The following RPRD2 variants were observed in gnomAD, a reference collection of about 807,000 sequenced individuals.
RPRD2 encodes the protein regulation of nuclear pre-mRNA domain containing 2.
RPRD2 carries 12 observed loss-of-function variants against 104.4 expected under a neutral mutation model. The ratio of observed to expected loss-of-function variants is 0.11; its 90% confidence interval spans 0.07 to 0.19. The LOEUF is 0.19. Ranked by LOEUF, RPRD2 falls within the 10% of genes least tolerant of loss-of-function variation. The probability of loss-of-function intolerance (pLI) is 1.00; values close to 1 mark genes in which losing one functional copy is unlikely to be tolerated. For missense variants in RPRD2, 1,543 were observed against 1,790.1 expected (o/e 0.86, Z 2.49); for synonymous variants, 714 against 684.9 (o/e 1.04, Z -0.66).
intron 1 of RPRD2, among the ~76,000 whole-genome samples, chr1:150,397,477 C>A (rs1401879357): frequency 6.6e-6 from 1 of 152,090 alleles, no homozygotes; most frequent in South Asian, 2.1e-4. Flanking sequence ...AAATTCTTCC[C>A]CATTTTTATT....
intron 1 of RPRD2, among the ~76,000 whole-genome samples, chr1:150,408,469 A>G (rs1553887044): frequency 2.6e-5 from 4 of 152,204 alleles, no homozygotes; most frequent in African/African-American, 7.2e-5. Flanking sequence ...ATACATTTAA[A>G]TAGTGTATTT....
At chr1:150,404,612 A>C (rs1336572112) in intron 1 of RPRD2, among the ~76,000 whole-genome samples, 1 of 151,874 alleles carries the variant, frequency 6.6e-6, no homozygotes, top group Non-Finnish European at 1.5e-5. Context: ...GATCTCATCC[A>C]AATAAAAAAA....
At chr1:150,446,446 T>G (rs1423276602) in intron 7 of RPRD2, 45 bp downstream of exon 7, 1 of 1,433,096 alleles carries the variant, frequency 7.0e-7, no homozygotes, top group Admixed American at 2.3e-5. Flanking sequence ...CTTGTTACTA[T>G]ATTTCAGAGA....
At chr1:150,393,608 A>G (rs1333248247) in intron 1 of RPRD2, among the ~76,000 whole-genome samples, 2 of 152,164 alleles carry the variant, frequency 1.3e-5, no homozygotes, top group East Asian at 1.9e-4. Context: ...TTGTAGAGGG[A>G]AAAACATGCA....
intron 2 of RPRD2, among the ~76,000 whole-genome samples, chr1:150,421,650 A>G (rs1464294197): frequency 1.3e-5 from 2 of 152,180 alleles, no homozygotes; most frequent in Non-Finnish European, 2.9e-5. Flanking sequence ...AATAAATTAT[A>G]AAGTATATGG....
intron 1 of RPRD2, among the ~76,000 whole-genome samples, chr1:150,380,342 CTG>C (rs1286963388): frequency 6.6e-6 from 1 of 152,100 alleles, no homozygotes; most frequent in Non-Finnish European, 1.5e-5. Context: ...TGGTGGTTGT[CTG>C]AGAGCCCACC....
intron 4 of RPRD2, among the ~76,000 whole-genome samples, chr1:150,442,995 C>T (rs587697544): frequency 6.6e-6 from 1 of 151,846 alleles, no homozygotes; most frequent in African/African-American, 2.4e-5. Context: ...ACTTTATGAC[C>T]TGAAGGGTCT....
chr1:150,434,566 A>C (rs1401284187), intron 2 of RPRD2, among the ~76,000 whole-genome samples: 1 of 152,126 alleles, frequency 6.6e-6, no homozygotes, highest in Non-Finnish European at 1.5e-5. Context: ...CTGTAATCCC[A>C]ACACTTTGGG....
In RPRD2 at chr1:150,460,527, C is replaced by G. The variant is rs139508963; in HGVS notation, c.1411+210C>G. On this transcript the variant is annotated intron_variant, in intron 9 of 10. Coordinates refer to ENST00000369068, the MANE Select transcript of RPRD2 (RefSeq NM_015203.5). ...CAAGTGTTCTGCTGCTTCAGCCTCC[C>G]AAGTAGCTGGGATTACAGGCACCTG... 3.3e-5 allele frequency among the ~76,000 whole-genome samples: 5 copies of G among 151,924 alleles called. No homozygotes were observed. The East Asian group carries it at 9.7e-4, about 29-fold the overall frequency.
Position 150,474,937 on chromosome 1 carries a change from G to C in RPRD2, c.*1603G>C, listed in dbSNP as rs1396298132. ...TGATTCTCTCAGAATGAACTTTTCA[G>C]AGAAAGAGCAGCATAAACCAGGTGC... is the stretch of plus-strand genomic sequence containing the variant. On this transcript the variant is annotated 3_prime_UTR_variant, in exon 11 of 11. Coordinates refer to ENST00000369068, the MANE Select transcript of RPRD2 (RefSeq NM_015203.5). The C allele has an allele frequency of 6.6e-6, 1 of 152,174 alleles. No individual in the cohort carries two copies. Among genetic ancestry groups the C allele is most frequent in the Non-Finnish European group, 1.5e-5 (1 of 68,038 alleles). The allele number at this position is 152,174 out of a possible 1,614,324, so 9.4% of individuals were successfully genotyped here. A position where few individuals can be genotyped will look rare whatever the true frequency, so the allele number is the denominator to read the frequency against.
intron 1 of RPRD2, among the ~76,000 whole-genome samples, chr1:150,403,950 GT>G (rs1162153172): frequency 1.3e-5 from 2 of 151,914 alleles, no homozygotes; most frequent in Non-Finnish European, 2.9e-5. Context: ...TTTACCCAAT[GT>G]TTTCTTAAAG....
chr1:150,461,243 A>T (rs991495683), intron 9 of RPRD2, among the ~76,000 whole-genome samples: 7 of 151,874 alleles, frequency 4.6e-5, no homozygotes, highest in African/African-American at 1.7e-4. Flanking sequence ...AAAAAATTTT[A>T]AATGAAAAAA....
rs756117715 is a variant in RPRD2, at chr1:150,472,807, G to A, written c.3859G>A (p.Val1287Ile). 6.2e-7 allele frequency: 1 copy of A among 1,610,700 alleles called. No homozygotes were observed. Among genetic ancestry groups the A allele is most frequent in the South Asian group, 1.1e-5 (1 of 90,840 alleles). Reference protein sequence around the residue: ...GEHSSSGGSGVPFSTPPPPPP... With the variant: ...GEHSSSGGSGIPFSTPPPPPP... The stretch of plus-strand genomic sequence containing the variant: ...ACATAGCAGCAGTGGTGGGAGTGGT[G>A]TCCCCTTTTCTACTCCACCCCCTCC... The change falls in exon 11 of 11, where the codon GTC becomes ATC. Residue 1287 changes from valine (V) to isoleucine (I), a missense_variant. Coordinates refer to ENST00000369068, the MANE Select transcript of RPRD2 (RefSeq NM_015203.5).
intron 7 of RPRD2, among the ~76,000 whole-genome samples, chr1:150,446,833 CT>C (rs782290005): frequency 8.9e-4 from 113 of 127,474 alleles, no homozygotes; most frequent in East Asian, 1.3e-3. Flanking sequence ...AGACCTGGGT[CT>C]TTTTTTTTTT....
At chr1:150,412,449 A>T (rs1174701397) in intron 1 of RPRD2, among the ~76,000 whole-genome samples, 1 of 152,184 alleles carries the variant, frequency 6.6e-6, no homozygotes, top group Admixed American at 6.6e-5. Context: ...TAAATTTAAA[A>T]TTTTGGACGT....
At chr1:150,470,478 G>T in intron 10 of RPRD2, 83 bp from the exon 11 acceptor site, 1 of 1,381,386 alleles carries the variant, frequency 7.2e-7, no homozygotes, top group South Asian at 1.5e-5. Context: ...CAAAATGAAT[G>T]AGAGTATCTG....
intron 2 of RPRD2, among the ~76,000 whole-genome samples, chr1:150,438,969 G>A (rs1355704974): frequency 2.0e-5 from 3 of 152,056 alleles, no homozygotes; most frequent in Non-Finnish European, 4.4e-5. Context: ...CGAGTAGCTG[G>A]GATTACAGGC....
intron 9 of RPRD2, among the ~76,000 whole-genome samples, chr1:150,463,228 C>T (rs1236369474): frequency 6.6e-6 from 1 of 152,128 alleles, no homozygotes; most frequent in Non-Finnish European, 1.5e-5. Flanking sequence ...GAGGCAAATG[C>T]AGGAGGATCA....
intron 1 of RPRD2, among the ~76,000 whole-genome samples, chr1:150,369,515 G>T (rs1466020171): frequency 7.4e-6 from 1 of 135,542 alleles, no homozygotes. Context: ...GGAGTGCAGT[G>T]GCGCGATCTC....
Sources: gnomAD v4.1 joint callset for allele counts (sites outside exome capture counted in the v4.1 genomes callset) on GRCh38, gnomAD v4.1.1 for gene constraint, MANE v1.5 for transcripts, NCBI Gene and HGNC (gene_info 2026-07-23, HGNC 2026-07-21) for gene names.